Variants in DIS3L2 observed in about 807,000 individuals in gnomAD.
DIS3L2 encodes DIS3-like exonuclease 2.
Under a neutral mutation model 97.5 loss-of-function variants are expected in DIS3L2, and 34 were observed. The observed-to-expected ratio is 0.35, with a 90% CI of 0.27 to 0.46. DIS3L2 has a LOEUF of 0.46. Ranked by LOEUF, DIS3L2 falls within the 20% of genes least tolerant of loss-of-function variation. The pLI, the probability that DIS3L2 is intolerant of heterozygous loss-of-function variation, is 1.00. For missense variants in DIS3L2, 1,038 were observed against 1,146.0 expected, an observed-to-expected ratio of 0.91 and a Z score of 1.36; for synonymous variants, 435 against 445.2, an observed-to-expected ratio of 0.98 and a Z score of 0.29.
rs1280890112 is a variant in DIS3L2, at chr2:232,208,290, T to C, written c.1125-2036T>C. ...CTCTTCTTCTCCTCTCCTCTTCTTA[T>C]CCCCTCTCCTCCCCCCACCCTTTTT... On this transcript the variant is annotated intron_variant, in intron 9 of 20. Transcript: ENST00000325385. 4.6e-5 allele frequency among the ~76,000 whole-genome samples: 7 copies of C among 152,032 alleles called. No individual in the cohort carries two copies. The South Asian group carries it at 1.2e-3, about 27-fold the overall frequency.
chr2:232,281,671 A>G lies in DIS3L2; in HGVS notation c.1659+18231A>G, dbSNP rs1316999847. Reference sequence around the variant, plus strand: ...CAAAAGGGAGGGGGGACACCTGGATATGCCCAGGTTTCTGACAGGCAGGAA... The same window carrying G: ...CAAAAGGGAGGGGGGACACCTGGATGTGCCCAGGTTTCTGACAGGCAGGAA... On this transcript the variant is annotated intron_variant, in intron 13 of 20. Coordinates refer to ENST00000325385, the MANE Select transcript of DIS3L2 (RefSeq NM_152383.5). The surrounding 1 kb of genome is among the most constrained non-coding windows in gnomAD (Gnocchi z 4.1). 1.3e-5 allele frequency among the ~76,000 whole-genome samples: 2 copies of G among 152,118 alleles called. No homozygotes were observed. The highest frequency in any genetic ancestry group is 2.9e-5 in the Non-Finnish European group (2 of 68,018).
chr2:232,286,526 A>G (rs538219098), intron 13 of DIS3L2, among the ~76,000 whole-genome samples: 2 of 152,320 alleles, frequency 1.3e-5, no homozygotes, highest in Non-Finnish European at 2.9e-5. Context: ...TTGAGTCCCA[A>G]TCAGCTTGTT....
intron 8 of DIS3L2, among the ~76,000 whole-genome samples, chr2:232,161,919 C>T (rs190878639): frequency 1.3e-5 from 2 of 151,756 alleles, no homozygotes; most frequent in African/African-American, 4.8e-5. Context: ...ATTATAGGCA[C>T]GCATCACCAC....
chr2:232,163,204 T>C (rs931812826), intron 8 of DIS3L2, among the ~76,000 whole-genome samples: 1 of 152,160 alleles, frequency 6.6e-6, no homozygotes, highest in Non-Finnish European at 1.5e-5. Flanking sequence ...AGGAAAGCCT[T>C]CTGGCTCTGT....
At chr2:232,310,800 G>A (rs1447814358) in intron 14 of DIS3L2, among the ~76,000 whole-genome samples, 3 of 152,242 alleles carry the variant, frequency 2.0e-5, no homozygotes, top group Admixed American at 6.5e-5. Context: ...GCACTGAGTT[G>A]CCCATGGGTC....
At chr2:232,066,321 G>C (rs1695856100) in intron 5 of DIS3L2, among the ~76,000 whole-genome samples, 1 of 151,900 alleles carries the variant, frequency 6.6e-6, no homozygotes, top group African/African-American at 2.4e-5. Context: ...AGTCTTAGTG[G>C]AATTTTCATC....
At chr2:232,285,700 A>G (rs1482507055) in intron 13 of DIS3L2, among the ~76,000 whole-genome samples, 3 of 150,186 alleles carry the variant, frequency 2.0e-5, no homozygotes, top group East Asian at 3.9e-4. Flanking sequence ...GACCTTGGGC[A>G]GGTCAGTTAC....
chr2:232,094,327 A>G (rs1249710436), intron 6 of DIS3L2, among the ~76,000 whole-genome samples: 3 of 152,182 alleles, frequency 2.0e-5, no homozygotes, highest in Non-Finnish European at 2.9e-5. Context: ...AATATTTATT[A>G]GGGCTATTTT....
Position 232,116,078 on chromosome 2 carries a change from A to G in DIS3L2, c.602-14541A>G, listed in dbSNP as rs531533243. Among the ~76,000 whole-genome samples the G allele has an allele frequency of 1.3e-4, 19 of 151,756 alleles. No homozygotes were observed. In the East Asian group the frequency reaches 3.5e-3, roughly 28 times the overall value. On this transcript the variant is annotated intron_variant, in intron 6 of 20. Transcript: ENST00000325385. ...TCCCAGCTACTCAGGAGGCTGAGAC[A>G]CAGGAATCACTTGAACTCTGGAGGT...
intron 10 of DIS3L2, among the ~76,000 whole-genome samples, chr2:232,230,272 T>C (rs72994289): frequency 0.012 from 1,818 of 152,300 alleles, 17 homozygotes; most frequent in Non-Finnish European, 0.018. Flanking sequence ...CCAAGCCCAA[T>C]TGAGTCTGTC....
At chr2:232,256,426 G>C (rs992248128) in intron 12 of DIS3L2, among the ~76,000 whole-genome samples, 4 of 152,216 alleles carry the variant, frequency 2.6e-5, no homozygotes, top group Non-Finnish European at 4.4e-5. Context: ...TTGTAGCTGA[G>C]CAGATCTTTT....
In DIS3L2 at chr2:232,127,985, G is replaced by A. The variant is rs536450550; in HGVS notation, c.602-2634G>A. Among the ~76,000 whole-genome samples the A allele has an allele frequency of 2.0e-5, 3 of 152,074 alleles. No individual in the cohort carries two copies. In the East Asian group the frequency reaches 5.8e-4, roughly 29 times the overall value. The stretch of plus-strand genomic sequence containing the variant: ...ATTTTTTTTGAGACAGGGGCTCACT[G>A]CGTCGCCAAGGCTGGAGTGCGGTGG... On this transcript the variant is annotated intron_variant, in intron 6 of 20. Coordinates refer to ENST00000325385, the MANE Select transcript of DIS3L2 (RefSeq NM_152383.5).
At chr2:232,083,336 A>G (rs1696468772) in intron 5 of DIS3L2, among the ~76,000 whole-genome samples, 1 of 147,600 alleles carries the variant, frequency 6.8e-6, no homozygotes, top group Non-Finnish European at 1.5e-5. Flanking sequence ...CACTGTGAGA[A>G]AGTTCAACCT....
intron 5 of DIS3L2, among the ~76,000 whole-genome samples, chr2:232,056,952 A>G (rs1162046324): frequency 6.6e-6 from 1 of 152,176 alleles, no homozygotes; most frequent in Non-Finnish European, 1.5e-5. Context: ...TTGTACACCA[A>G]AAAAATATGT....
intron 9 of DIS3L2, among the ~76,000 whole-genome samples, chr2:232,192,277 A>G (rs1217869062): frequency 6.6e-6 from 1 of 152,136 alleles, no homozygotes; most frequent in Non-Finnish European, 1.5e-5. Flanking sequence ...TTTTCAGATA[A>G]AGAAACTGTG....
chr2:232,070,093 G>GTA (rs994797899), intron 5 of DIS3L2, among the ~76,000 whole-genome samples: 3 of 152,178 alleles, frequency 2.0e-5, no homozygotes, highest in African/African-American at 7.2e-5. Context: ...CTATATACAT[G>GTA]TATATATGTT....
At chr2:232,247,125 C>T (rs1274667030) in intron 11 of DIS3L2, among the ~76,000 whole-genome samples, 2 of 152,190 alleles carry the variant, frequency 1.3e-5, no homozygotes, top group Admixed American at 1.3e-4. Context: ...ACTATCTGTA[C>T]AAAAGGCATT....
intron 9 of DIS3L2, among the ~76,000 whole-genome samples, chr2:232,171,983 A>T (rs1691003633): frequency 6.6e-6 from 1 of 152,232 alleles, no homozygotes; most frequent in African/African-American, 2.4e-5. Context: ...CTGTAGAAAT[A>T]TGAGTGCATG....
At chr2:232,064,403 A>G (rs1364878555) in intron 5 of DIS3L2, among the ~76,000 whole-genome samples, 1 of 152,178 alleles carries the variant, frequency 6.6e-6, no homozygotes, top group African/African-American at 2.4e-5. Flanking sequence ...ATTCCATTGT[A>G]TAGATGTTTC....
Sources: allele counts gnomAD v4.1 joint callset (sites outside exome capture counted in the v4.1 genomes callset), GRCh38; gene constraint gnomAD v4.1.1; non-coding constraint Gnocchi (gnomAD v3.1); transcripts MANE v1.5; gene names NCBI Gene and HGNC (gene_info 2026-07-23, HGNC 2026-07-21).